MTAP: variants seen among roughly 807,000 people sequenced by gnomAD.
MTAP encodes the protein S-methyl-5'-thioadenosine phosphorylase.
Under a neutral mutation model 33.6 loss-of-function variants are expected in MTAP, and 33 were observed. The observed-to-expected ratio is 0.98, with a 90% CI of 0.74 to 1.31. The LOEUF (loss-of-function observed/expected upper bound fraction) is 1.31. Ranked by LOEUF, MTAP falls within the 40% of genes most tolerant of loss-of-function variation. The probability of loss-of-function intolerance (pLI) is 0.00; values close to 1 mark genes in which losing one functional copy is unlikely to be tolerated. For missense variants in MTAP, 367 were observed against 360.0 expected (o/e 1.02, Z -0.16); for synonymous variants, 148 against 125.7 (o/e 1.18, Z -1.19).
At chr9:21,836,489 A>T (rs558610307) in intron 4 of MTAP, among the ~76,000 whole-genome samples, 2 of 152,232 alleles carry the variant, frequency 1.3e-5, no homozygotes, top group African/African-American at 4.8e-5. Context: ...TAGCCACTGG[A>T]GGCTTTTGTG....
At chr9:21,815,588 A>G in intron 2 of MTAP, 69 bp downstream of exon 2, 1 of 908,442 alleles carries the variant, frequency 1.1e-6, no homozygotes, top group Non-Finnish European at 1.6e-6. Context: ...TGATTTTTGA[A>G]TTAAAAAAAA....
downstream of MTAP, among the ~76,000 whole-genome samples, chr9:21,869,859 T>G (rs528855286): frequency 6.6e-6 from 1 of 152,172 alleles, no homozygotes; most frequent in East Asian, 1.9e-4. Flanking sequence ...GGAGGCAGAA[T>G]GATCTGTACA....
At chr9:21,868,430 C>G (rs912980141), downstream of MTAP, among the ~76,000 whole-genome samples, 6 of 152,130 alleles carry the variant, frequency 3.9e-5, no homozygotes, top group East Asian at 1.2e-3. Flanking sequence ...GTATATCTAA[C>G]TACTTAGGAG....
rs189600424 is a variant in MTAP, at chr9:21,867,031, T to C, written c.*5017T>C. ...GGTATACAGAAATATGTTTTATTTT[T>C]GTATATTGACTTTATATTCTGTAAT... On this transcript the variant is annotated 3_prime_UTR_variant, in exon 8 of 8. Coordinates refer to ENST00000644715, the MANE Select transcript of MTAP (RefSeq NM_002451.4). 6.6e-6 allele frequency: 1 copy of C among 152,204 alleles called. No homozygotes were observed. Among genetic ancestry groups the C allele is most frequent in the Non-Finnish European group, 1.5e-5 (1 of 68,006 alleles). 9.4% of individuals were successfully genotyped at this position (152,204 alleles called of 1,614,324 possible). A position where few individuals can be genotyped will look rare whatever the true frequency, so the allele number is the denominator to read the frequency against.
intron 3 of MTAP, 69 bp from the exon 4 acceptor site, chr9:21,817,966 T>C (rs1824526517): frequency 1.4e-6 from 2 of 1,435,928 alleles, no homozygotes; most frequent in Non-Finnish European, 9.3e-7. Context: ...TAATTTTTTC[T>C]AGACTCTAGG....
rs2118832976 is a variant in MTAP at position 21,907,678 on chromosome 9, T to A, written c.148-23330T>A. On this transcript the variant is annotated intron_variant, in intron 1 of 1. Transcript: ENST00000577563. ...TAAATAATACCTGTGTGGGTGTTTT[T>A]TTTTTACTACAAAAGTAATTCCTGG... 2.0e-5 allele frequency among the ~76,000 whole-genome samples: 3 copies of A among 152,170 alleles called. 1 individual carries two copies. The East Asian group carries it at 5.8e-4, about 29-fold the overall frequency.
intron 1 of MTAP, among the ~76,000 whole-genome samples, chr9:21,891,056 G>A (rs1016349504): frequency 6.6e-6 from 1 of 152,064 alleles, no homozygotes; most frequent in Non-Finnish European, 1.5e-5. Flanking sequence ...GAGAACAACT[G>A]TTCTAGCATA....
intron 6 of MTAP, 84 bp downstream of exon 6, chr9:21,854,954 T>C: frequency 1.3e-6 from 2 of 1,518,370 alleles, no homozygotes; most frequent in Admixed American, 4.1e-5. Context: ...TCTATTACGT[T>C]AGTTTCAGAA....
intron 4 of MTAP, among the ~76,000 whole-genome samples, chr9:21,818,542 G>C (rs965569028): frequency 6.6e-6 from 1 of 151,882 alleles, no homozygotes; most frequent in African/African-American, 2.4e-5. Context: ...TGGTCAGGCT[G>C]GTCTTGAATC....
In MTAP at chr9:21,865,694, A is replaced by T; in HGVS notation, c.*3680A>T. 2.9e-6 allele frequency: 3 copies of T among 1,023,328 alleles called. No individual in the cohort carries two copies. Among genetic ancestry groups the T allele is most frequent in the Non-Finnish European group, 3.5e-6 (3 of 849,442 alleles). 63.4% of individuals were successfully genotyped at this position (1,023,328 alleles called of 1,614,324 possible). On this transcript the variant is annotated 3_prime_UTR_variant, in exon 8 of 8. Transcript: ENST00000644715. ...AAGACTAGTAGGGTAGTCCAGAAGA[A>T]GCTGTTTCAGGGCCTGTTGCCAGCT...
chr9:21,823,953 T>C (rs13297760), intron 4 of MTAP, among the ~76,000 whole-genome samples: 63,722 of 152,136 alleles, frequency 0.42, 13,490 homozygotes, highest in East Asian at 0.45. Flanking sequence ...GGTTTTCAGC[T>C]CCATCAGGTC....
At chr9:21,846,656 A>G (rs543204211) in intron 5 of MTAP, among the ~76,000 whole-genome samples, 69 of 152,326 alleles carry the variant, frequency 4.5e-4, no homozygotes, top group African/African-American at 1.6e-3. Context: ...AACTAGTACA[A>G]TGGAAAGCCA....
chr9:21,851,410 C>T (rs991616028), intron 5 of MTAP, among the ~76,000 whole-genome samples: 1 of 152,138 alleles, frequency 6.6e-6, no homozygotes, highest in Admixed American at 6.5e-5. Context: ...TTTTCTTTCT[C>T]CTTTATCATA....
At chr9:21,806,887 G>A (rs1824221394) in intron 1 of MTAP, among the ~76,000 whole-genome samples, 1 of 152,210 alleles carries the variant, frequency 6.6e-6, no homozygotes, top group African/African-American at 2.4e-5. Context: ...GACTTGGCCA[G>A]GCGCGGTGGC....
intron 1 of MTAP, among the ~76,000 whole-genome samples, chr9:21,808,604 A>C (rs1199897138): frequency 8.6e-6 from 1 of 115,680 alleles, no homozygotes; most frequent in East Asian, 2.9e-4. Context: ...AAAAAAAAAA[A>C]AACACACACA....
chr9:21,915,369 G>A (rs1338563809), intron 1 of MTAP, among the ~76,000 whole-genome samples: 2 of 151,980 alleles, frequency 1.3e-5, no homozygotes, highest in Non-Finnish European at 2.9e-5. Flanking sequence ...GGGATTACAG[G>A]TGTCAGCCAC....
intron 5 of MTAP, among the ~76,000 whole-genome samples, chr9:21,850,917 A>C (rs1045553083): frequency 1.2e-4 from 19 of 152,208 alleles, no homozygotes; most frequent in African/African-American, 4.3e-4. Context: ...CCACCTGGAC[A>C]CTTTGGGCTC....
intron 1 of MTAP, among the ~76,000 whole-genome samples, chr9:21,916,340 T>G (rs1353830503): frequency 6.6e-6 from 1 of 152,112 alleles, no homozygotes; most frequent in East Asian, 1.9e-4. Context: ...CTGGGCATGG[T>G]GGCTCACGTC....
At chr9:21,935,512 A>G (rs1161720164), downstream of MTAP, 1 of 151,996 alleles carries the variant, frequency 6.6e-6, no homozygotes, top group Non-Finnish European at 1.5e-5. Flanking sequence ...TTCCAGGAGC[A>G]TGAACATAAT....
Sources: allele counts gnomAD v4.1 joint callset (sites outside exome capture counted in the v4.1 genomes callset), GRCh38; gene constraint gnomAD v4.1.1; transcripts MANE v1.5; gene names NCBI Gene and HGNC (gene_info 2026-07-23, HGNC 2026-07-21).